Variants in RNF150 observed in about 807,000 individuals in gnomAD.
RNF150 encodes ring finger protein 150.
Under a neutral mutation model 39.3 loss-of-function variants are expected in RNF150, and 24 were observed. The observed-to-expected ratio is 0.61, with a 90% CI of 0.44 to 0.86. The LOEUF is 0.86. Ranked by LOEUF, RNF150 falls within the 40% of genes least tolerant of loss-of-function variation. The pLI, the probability that RNF150 is intolerant of heterozygous loss-of-function variation, is 0.00. For missense variants in RNF150, 502 were observed against 587.8 expected (o/e 0.85, Z 1.51); for synonymous variants, 255 against 227.3 (o/e 1.12, Z -1.10).
rs145129177 is a variant in RNF150, at chr4:140,886,315, A to G, written c.1199-17936T>C. 3.3e-3 allele frequency among the ~76,000 whole-genome samples: 507 copies of G among 152,158 alleles called. 8 individuals carry two copies. The highest frequency in any genetic ancestry group is 0.011 in the African/African-American group (475 of 41,500). ...TTTTCCAGAATAGAGGAGTGTGCAT[A>G]CAAGTGTGTATGTGGTTGTGTTCAG... is the stretch of plus-strand genomic sequence containing the variant. On this transcript the variant is annotated intron_variant, in intron 6 of 6. Transcript: ENST00000515673.
intron 1 of RNF150, among the ~76,000 whole-genome samples, chr4:141,039,503 C>G (rs1736277725): frequency 6.6e-6 from 1 of 151,960 alleles, no homozygotes; most frequent in African/African-American, 2.4e-5. Flanking sequence ...AAAGAAAGGC[C>G]ATACATTTAG....
intron 1 of RNF150, among the ~76,000 whole-genome samples, chr4:141,210,046 A>G (rs1728437461): frequency 9.5e-6 from 1 of 104,884 alleles, no homozygotes; most frequent in Non-Finnish European, 2.0e-5. Flanking sequence ...GTCATTAGTC[A>G]CAGATAATTG....
Position 141,132,940 on chromosome 4 carries a change from GC to G in RNF150, c.-133del, listed in dbSNP as rs1028462236. ...TCACTCCCGGGCCGGAGGGGCCGCG[GC>G]CGGGACGCGCAGCCGCCGCGGGGAC... On this transcript the variant is annotated 5_prime_UTR_variant, in exon 1 of 7. It removes the in-frame stop codon of an upstream open reading frame in the 5' UTR. Coordinates refer to ENST00000515673, the MANE Select transcript of RNF150 (RefSeq NM_020724.2). The surrounding 1 kb of genome is among the most constrained non-coding windows in gnomAD (Gnocchi z 4.9). The G allele has an allele frequency of 6.2e-5, 42 of 682,058 alleles. No homozygotes were observed. The highest frequency in any genetic ancestry group is 9.3e-5 in the Non-Finnish European group (40 of 431,056). 42.3% of individuals were successfully genotyped at this position (682,058 alleles called of 1,614,324 possible).
At chr4:140,899,944 T>TCTCTCTCTCTCTCTCTCTCTCTCTC (rs1730114654) in intron 6 of RNF150, among the ~76,000 whole-genome samples, 2 of 110,022 alleles carry the variant, frequency 1.8e-5, no homozygotes, top group African/African-American at 3.6e-5. Flanking sequence ...CTCTCTCACT[T>TCTCTCTCTCTCTCTCTCTCTCTCTC]TCTCTCTCTC....
chr4:141,192,876 A>G (rs114681344), intron 1 of RNF150, among the ~76,000 whole-genome samples: 89 of 152,282 alleles, frequency 5.8e-4, no homozygotes, highest in African/African-American at 2.0e-3. Context: ...CAAGCTTCCA[A>G]CTCAGGGCCT....
At chr4:140,983,738 C>T (rs78569739) in intron 1 of RNF150, among the ~76,000 whole-genome samples, 2 of 144,888 alleles carry the variant, frequency 1.4e-5, no homozygotes, top group Non-Finnish European at 3.0e-5. Flanking sequence ...TGTATAACTG[C>T]CTTTTTTTTT....
At chr4:140,910,299 G>A (rs570091674) in intron 6 of RNF150, among the ~76,000 whole-genome samples, 93 of 152,196 alleles carry the variant, frequency 6.1e-4, no homozygotes, top group African/African-American at 2.2e-3. Context: ...AAGACACTTC[G>A]TATAAAAGTT....
intron 1 of RNF150, 69 bp from the exon 2 acceptor site, chr4:140,967,942 G>A: frequency 7.1e-7 from 1 of 1,399,700 alleles, no homozygotes; most frequent in Non-Finnish European, 1.0e-6. Context: ...CCAGTGAGAT[G>A]TGTGGACACA....
At chr4:141,045,973 C>T (rs1331160304) in intron 1 of RNF150, among the ~76,000 whole-genome samples, 2 of 152,102 alleles carry the variant, frequency 1.3e-5, no homozygotes, top group African/African-American at 4.8e-5. Context: ...AGACATGACA[C>T]ACTTCTTGGT....
intron 1 of RNF150, among the ~76,000 whole-genome samples, chr4:141,172,807 C>T (rs1478726792): frequency 6.6e-6 from 1 of 152,080 alleles, no homozygotes; most frequent in Non-Finnish European, 1.5e-5. Context: ...GGCAGATCAC[C>T]TGAGGTCAGG....
intron 5 of RNF150, among the ~76,000 whole-genome samples, chr4:140,912,855 A>C (rs761146919): frequency 1.3e-5 from 2 of 152,056 alleles, no homozygotes; most frequent in Non-Finnish European, 2.9e-5. Context: ...GACATTGGAC[A>C]CGAGCAAGTG....
chr4:140,925,961 G>C lies in RNF150; in HGVS notation c.987+16C>G, dbSNP rs574875256. 1.9e-5 allele frequency: 29 copies of C among 1,546,990 alleles called. No individual in the cohort carries two copies. In the South Asian group the frequency reaches 2.8e-4, roughly 15 times the overall value. On this transcript the variant is annotated intron_variant, in intron 5 of 6. Transcript: ENST00000515673. Reference sequence around the variant, plus strand: ...AAAGACAGACATTATAATGCTGTAGGCTGTGCTGTGCTTACCGGGATCCCT... The same window carrying C: ...AAAGACAGACATTATAATGCTGTAGCCTGTGCTGTGCTTACCGGGATCCCT...
chr4:141,016,761 C>T (rs1274071175), intron 1 of RNF150, among the ~76,000 whole-genome samples: 1 of 152,108 alleles, frequency 6.6e-6, no homozygotes, highest in African/African-American at 2.4e-5. Flanking sequence ...TTTTCCTGTC[C>T]CTGGCCGCCT....
At chr4:141,076,635 C>T (rs1453487824) in intron 1 of RNF150, among the ~76,000 whole-genome samples, 1 of 151,570 alleles carries the variant, frequency 6.6e-6, no homozygotes, top group Non-Finnish European at 1.5e-5. Flanking sequence ...TCCTCCATTC[C>T]TGACCTCCCT....
chr4:140,927,236 AG>A (rs1188873702), intron 4 of RNF150, among the ~76,000 whole-genome samples: 1 of 152,200 alleles, frequency 6.6e-6, no homozygotes, highest in Non-Finnish European at 1.5e-5. Context: ...ATTAGAAAAA[AG>A]GACTGTAGCA....
chr4:141,103,085 A>C (rs372666561), intron 1 of RNF150, among the ~76,000 whole-genome samples: 2 of 152,178 alleles, frequency 1.3e-5, no homozygotes, highest in African/African-American at 4.8e-5. Flanking sequence ...CTCTCCCCGT[A>C]ACTGTGTAGG....
intron 1 of RNF150, among the ~76,000 whole-genome samples, chr4:141,078,726 C>T (rs543730285): frequency 7.0e-6 from 1 of 142,902 alleles, no homozygotes. Context: ...GGCGGTGGAG[C>T]TTGCAGTGAG....
chr4:141,113,957 C>T (rs937455191), intron 1 of RNF150, among the ~76,000 whole-genome samples: 2 of 152,060 alleles, frequency 1.3e-5, no homozygotes, highest in Admixed American at 1.3e-4. Context: ...TTCTTCGAAA[C>T]CAAAAAGAAC....
rs1263155894 is a variant in RNF150, at chr4:140,959,746, T to G, written c.735+7877A>C. Reference sequence around the variant, plus strand: ...TTTCAACTCCCTCAGAGTGTCATTGTGCACTGGGAAGGCAAGGTGTAAGGC... The same window carrying G: ...TTTCAACTCCCTCAGAGTGTCATTGGGCACTGGGAAGGCAAGGTGTAAGGC... On this transcript the variant is annotated intron_variant, in intron 2 of 6. Coordinates refer to ENST00000515673, the MANE Select transcript of RNF150 (RefSeq NM_020724.2). Among the ~76,000 whole-genome samples, 3 of 152,136 alleles carry G rather than the reference T, an allele frequency of 2.0e-5. 1 individual carries two copies. The highest frequency in any genetic ancestry group is 4.4e-5 in the Non-Finnish European group (3 of 68,016).
Sources: allele counts gnomAD v4.1 joint callset (sites outside exome capture counted in the v4.1 genomes callset), GRCh38; gene constraint gnomAD v4.1.1; non-coding constraint Gnocchi (gnomAD v3.1); transcripts MANE v1.5; gene names NCBI Gene and HGNC (gene_info 2026-07-23, HGNC 2026-07-21).